The following CROCC variants were observed in gnomAD, a reference collection of about 807,000 sequenced individuals.
The protein encoded by CROCC is rootletin.
A neutral mutation model predicts 245.2 loss-of-function variants in CROCC; 180 were observed. The ratio of observed to expected loss-of-function variants is 0.73; its 90% CI spans 0.65 to 0.83. The LOEUF is 0.83. Ranked by LOEUF, CROCC falls within the 40% of genes least tolerant of loss-of-function variation. The pLI, the probability that CROCC is intolerant of heterozygous loss-of-function variation, is 0.00. For synonymous variants in CROCC, 1,205 were observed against 1,241.6 expected, an observed-to-expected ratio of 0.97 and a Z score of 0.62; for missense variants, 2,688 against 2,779.4, an observed-to-expected ratio of 0.97 and a Z score of 0.74.
At position 16,937,723 on chromosome 1, in the gene CROCC, A is replaced by T; in HGVS notation, c.1276A>T (p.Lys426Ter). The change falls in exon 10 of 37, where the codon AAG (lysine) becomes TAG (stop). Residue 426 changes from lysine to a stop codon, truncating the protein, a stop_gained. Transcript: ENST00000375541. LOFTEE classifies it high-confidence loss of function. ...KDQVNKDLTE[K>*]LEALESLRLQ... The stretch of plus-strand genomic sequence containing the variant: ...TCAGGTCAACAAGGACCTCACTGAG[A>T]AGCTTGAGGCCCTGGTGAGCTGCAG... 1 of 1,610,320 alleles carries T rather than the reference A, an allele frequency of 6.2e-7. No homozygotes were observed. Among genetic ancestry groups the T allele is most frequent in the South Asian group, 1.1e-5 (1 of 90,696 alleles).
Position 16,958,677 on chromosome 1 carries a change from G to A in CROCC, c.3959G>A (p.Ser1320Asn), listed in dbSNP as rs763274331. ...LALGERAEKE[S>N]RRETLGLRQR... Reference sequence around the variant, plus strand: ...CTGGGCGAGCGGGCAGAGAAGGAGAGCAGGCGGGAGACCCTGGGCCTCCGG... The same window carrying A: ...CTGGGCGAGCGGGCAGAGAAGGAGAACAGGCGGGAGACCCTGGGCCTCCGG... The change falls in exon 26 of 37, where the codon AGC becomes AAC. Residue 1320 changes from serine (S) to asparagine (N), a missense_variant. Coordinates refer to ENST00000375541, the MANE Select transcript of CROCC (RefSeq NM_014675.5). 2.6e-6 allele frequency: 4 copies of A among 1,556,800 alleles called. No homozygotes were observed. The African/African-American group carries it at 5.4e-5, about 21-fold the overall frequency.
rs2781608 is a variant in CROCC at position 16,945,580 on chromosome 1, G to A, written c.2110G>A (p.Ala704Thr). 70 of 1,612,210 alleles carry A rather than the reference G, an allele frequency of 4.3e-5. No individual in the cohort carries two copies. The Middle Eastern group carries it at 1.3e-3, about 31-fold the overall frequency. The change falls in exon 15 of 37, where the codon GCC becomes ACC. Residue 704 changes from alanine to threonine, a missense_variant. Physicochemically the swap from Ala to Thr is moderately conservative, Grantham distance 58. Coordinates refer to ENST00000375541, the MANE Select transcript of CROCC (RefSeq NM_014675.5). ...LQRDMLQAEK[A>T]EVAEALTKAE... The stretch of plus-strand genomic sequence containing the variant: ...ACGGGACATGCTGCAGGCCGAGAAG[G>A]CCGAGGTGGCCGAGGCGCTGACCAA...
chr1:16,972,252 A>G, intron 36 of CROCC, 108 bp from the exon 37 acceptor site: 1 of 869,568 alleles, frequency 1.2e-6, no homozygotes, highest in Non-Finnish European at 2.0e-6. Flanking sequence ...GTGAGACCAG[A>G]CCTTTCCTGA....
intron 2 of CROCC, 125 bp from the exon 3 acceptor site, chr1:16,924,200 G>A: frequency 8.3e-7 from 1 of 1,204,396 alleles, no homozygotes; most frequent in Non-Finnish European, 1.2e-6. Context: ...TTGCAGGCCT[G>A]GTGCTGCAGC....
Position 16,947,634 on chromosome 1 carries a change from G to C in CROCC, c.2514+643G>C, listed in dbSNP as rs190027705. ...TGCAAGGTCTATCCTGGAGCGCCTA[G>C]GTTTCTGGGAGGGGCCTCTAGAGGA... On this transcript the variant is annotated intron_variant, in intron 17 of 36. Coordinates refer to ENST00000375541, the MANE Select transcript of CROCC (RefSeq NM_014675.5). 0.015 allele frequency among the ~76,000 whole-genome samples: 2,242 copies of C among 151,908 alleles called. 25 individuals are homozygous for C. The East Asian group carries it at 0.26, about 17-fold the overall frequency.
At chr1:16,963,907 T>A (rs1389736922) in intron 27 of CROCC, among the ~76,000 whole-genome samples, 2 of 152,246 alleles carry the variant, frequency 1.3e-5, no homozygotes, top group East Asian at 1.9e-4. Context: ...GCGATTCTCC[T>A]GCCTCAGCCT....
At chr1:16,923,051 C>T (rs61461842) in intron 2 of CROCC, among the ~76,000 whole-genome samples, 6,568 of 150,764 alleles carry the variant, frequency 0.044, 1 homozygote, top group Admixed American at 0.05. Flanking sequence ...CTGTAGCCTG[C>T]TGCAGAGATG....
chr1:16,963,926 GC>G (rs1226489181), intron 27 of CROCC, among the ~76,000 whole-genome samples: 2 of 151,710 alleles, frequency 1.3e-5, no homozygotes, highest in African/African-American at 4.8e-5. Flanking sequence ...CTCCTGAGTA[GC>G]TGGGACTACA....
rs191125637 is a variant in CROCC at position 16,949,966 on chromosome 1, G to A, written c.2837-987G>A. ...ATATTTTTAGTAGAGACGGGGTTTCGCCATGTTGGTCAAGCTGGTCTCGAA... is the reference window on the plus strand; with the variant it reads ...ATATTTTTAGTAGAGACGGGGTTTCACCATGTTGGTCAAGCTGGTCTCGAA... On this transcript the variant is annotated intron_variant, in intron 19 of 36. Transcript: ENST00000375541. Among the ~76,000 whole-genome samples, 996 of 151,006 alleles carry A rather than the reference G, an allele frequency of 6.6e-3. 15 individuals carry two copies. The highest frequency in any genetic ancestry group is 0.023 in the African/African-American group (951 of 41,048).
rs150645566 is a variant in CROCC, at chr1:16,930,517, C to T, written c.772C>T (p.Arg258Ter). Residue 258 changes from arginine to a stop codon, truncating the protein, a stop_gained, in exon 7 of 37, where the codon CGA becomes TGA. Transcript: ENST00000375541. LOFTEE classifies it high-confidence loss of function. ...CAACCAGGCTCTGAGTGAGGACATA[C>T]GAAAGGTGACCAATGACTGGACACG... The part of the protein sequence containing the change: ...SANQALSEDI[R>*]KVTNDWTRCR... The T allele has an allele frequency of 1.5e-4, 244 of 1,612,446 alleles. No individual in the cohort carries two copies. The African/African-American group carries it at 1.9e-3, about 12-fold the overall frequency.
At chr1:16,946,049 T>G (rs925946434) in intron 15 of CROCC, among the ~76,000 whole-genome samples, 1 of 152,278 alleles carries the variant, frequency 6.6e-6, no homozygotes, top group African/African-American at 2.4e-5. Context: ...TTGAGCTATT[T>G]TTGCACAGCT....
At chr1:16,971,412 G>GCACA in intron 35 of CROCC, 53 bp from the exon 36 acceptor site, 3 of 1,476,088 alleles carry the variant, frequency 2.0e-6, no homozygotes, top group Non-Finnish European at 2.7e-6. Context: ...CGTCACACAT[G>GCACA]CACACACACA....
intron 3 of CROCC, among the ~76,000 whole-genome samples, chr1:16,927,145 T>C (rs1457391095): frequency 6.6e-6 from 1 of 152,178 alleles, no homozygotes; most frequent in Non-Finnish European, 1.5e-5. Flanking sequence ...ACAAACAACA[T>C]AGTGAGACCC....
At chr1:16,948,136 G>C (rs1309241106) in intron 17 of CROCC, among the ~76,000 whole-genome samples, 195 bp from the exon 18 acceptor site, 1 of 152,292 alleles carries the variant, frequency 6.6e-6, no homozygotes, top group Non-Finnish European at 1.5e-5. Flanking sequence ...GCTGGGCCCT[G>C]GTTTTTGTAC....
At chr1:16,915,643 G>C (rs891686525) in intron 1 of CROCC, among the ~76,000 whole-genome samples, 1 of 129,980 alleles carries the variant, frequency 7.7e-6, no homozygotes, top group East Asian at 2.2e-4. Context: ...TTGTCTCAAA[G>C]AAAAAAAAAA....
At position 16,953,340 on chromosome 1, in the gene CROCC, G is replaced by A. The variant is rs1281552545; in HGVS notation, c.3045G>A (p.Gln1015=). The change falls in exon 21 of 37, where the codon CAG becomes CAA. Residue 1015 remains glutamine, a synonymous_variant. Transcript: ENST00000375541. ...GGGAGCTGGAGGCCGAGCGGGCCCA[G>A]CTGCAGAGTCAGCTGCAGCGTGAGC... ...AWRELEAERA[Q]LQSQLQREQE... The A allele has an allele frequency of 6.2e-7, 1 of 1,603,966 alleles. No homozygotes were observed. Among genetic ancestry groups the A allele is most frequent in the Admixed American group, 1.7e-5 (1 of 59,024 alleles).
chr1:16,944,831 G>A (rs1258655427), intron 14 of CROCC, among the ~76,000 whole-genome samples: 5 of 152,280 alleles, frequency 3.3e-5, no homozygotes, highest in African/African-American at 4.8e-5. Flanking sequence ...TCTCAGGGAC[G>A]TGATCGATGA....
intron 2 of CROCC, among the ~76,000 whole-genome samples, chr1:16,924,088 G>A (rs2075473760): frequency 1.3e-5 from 2 of 152,272 alleles, no homozygotes; most frequent in Admixed American, 6.5e-5. Flanking sequence ...TGTCTCTCCT[G>A]CACCTCCCAA....
Position 16,966,274 on chromosome 1 carries a change from C to G in CROCC, c.4697-134C>G. ...CTCCTTGGACAGCCTCACCTGTGTGCAGGCCCGCATACTACGAAGGGTGCA... is the reference window on the plus strand; with the variant it reads ...CTCCTTGGACAGCCTCACCTGTGTGGAGGCCCGCATACTACGAAGGGTGCA... On this transcript the variant is annotated intron_variant, in intron 29 of 36. Transcript: ENST00000375541. This position sits in a 1 kb window ranked among gnomAD's most constrained non-coding sequence, Gnocchi z 4.8. 7.0e-7 allele frequency: 1 copy of G among 1,428,450 alleles called. No individual in the cohort carries two copies. Among genetic ancestry groups the G allele is most frequent in the Non-Finnish European group, 9.3e-7 (1 of 1,079,012 alleles). 88.5% of individuals were successfully genotyped at this position (1,428,450 alleles called of 1,614,324 possible).
Sources: gnomAD v4.1 joint callset for allele counts (sites outside exome capture counted in the v4.1 genomes callset) on GRCh38, gnomAD v4.1.1 for gene constraint, Gnocchi (gnomAD v3.1) non-coding constraint, MANE v1.5 for transcripts, NCBI Gene and HGNC (gene_info 2026-07-23, HGNC 2026-07-21) for gene names.